The following DNAH8 variants were observed in gnomAD, a reference collection of about 807,000 sequenced individuals.
The protein encoded by DNAH8 is axonemal beta dynein heavy chain 8.
Under a neutral mutation model 562.1 loss-of-function variants are expected in DNAH8, and 382 were observed. The observed-to-expected ratio is 0.68, with a 90% CI of 0.63 to 0.74. The LOEUF is 0.74. Among genes scored for constraint, DNAH8 ranks in the 30% least tolerant of loss-of-function variants. DNAH8 has a pLI of 0.00. For missense variants in DNAH8, 5,203 were observed against 5,620.4 expected, an observed-to-expected ratio of 0.93 and a Z score of 2.37; for synonymous variants, 1,881 against 1,919.4, an observed-to-expected ratio of 0.98 and a Z score of 0.52.
intron 88 of DNAH8, among the ~76,000 whole-genome samples, chr6:39,003,790 T>C (rs1388873141): frequency 6.6e-6 from 1 of 152,198 alleles, no homozygotes; most frequent in Non-Finnish European, 1.5e-5. Context: ...TTCATCTTTG[T>C]ACACTTGTCT....
chr6:38,801,081 G>A (rs956764003), intron 21 of DNAH8, among the ~76,000 whole-genome samples: 1 of 151,056 alleles, frequency 6.6e-6, no homozygotes, highest in Non-Finnish European at 1.5e-5. Flanking sequence ...TTTTTCTTTT[G>A]TTGTTCTGCT....
chr6:39,027,190 A>T (rs1172473586), intron 92 of DNAH8, among the ~76,000 whole-genome samples: 1 of 152,106 alleles, frequency 6.6e-6, no homozygotes, highest in Non-Finnish European at 1.5e-5. Context: ...AGCAGTGATC[A>T]CACCACCAGA....
rs961868083 is a variant in DNAH8, at chr6:39,017,019, G to A, written c.13714+4382G>A. Among the ~76,000 whole-genome samples, 8 of 152,318 alleles carry A rather than the reference G, an allele frequency of 5.3e-5. 1 individual carries two copies. The highest frequency in any genetic ancestry group is 4.1e-4 in the South Asian group (2 of 4,826). ...CAATCATTTCTGTAGCAATTGATGA[G>A]CTCAACCATGTGGCAATTAGACTGG... is the stretch of plus-strand genomic sequence containing the variant. On this transcript the variant is annotated intron_variant, in intron 91 of 92. Transcript: ENST00000327475.
At chr6:38,992,740 A>G (rs528300074) in intron 88 of DNAH8, among the ~76,000 whole-genome samples, 7 of 152,304 alleles carry the variant, frequency 4.6e-5, no homozygotes, top group African/African-American at 1.7e-4. Context: ...CCAGCTCTCA[A>G]GAAAGATGAA....
At chr6:38,903,079 T>C (rs1272332088) in intron 62 of DNAH8, among the ~76,000 whole-genome samples, 2 of 152,236 alleles carry the variant, frequency 1.3e-5, no homozygotes, top group African/African-American at 4.8e-5. Flanking sequence ...CAGTAACATG[T>C]TGTTCAGGTT....
At chr6:39,007,599 A>AG (rs904851397) in intron 88 of DNAH8, among the ~76,000 whole-genome samples, 1 of 152,190 alleles carries the variant, frequency 6.6e-6, no homozygotes, top group Non-Finnish European at 1.5e-5. Flanking sequence ...CATTGCCTTT[A>AG]GGGTGGTGTT....
chr6:38,893,311 A>G (rs1380578021), intron 58 of DNAH8, among the ~76,000 whole-genome samples: 1 of 152,218 alleles, frequency 6.6e-6, no homozygotes, highest in East Asian at 1.9e-4. Flanking sequence ...ATTACTTTAT[A>G]TAGCTTTAAG....
chr6:38,981,842 A>G (rs1300050346), intron 85 of DNAH8, among the ~76,000 whole-genome samples: 2 of 152,228 alleles, frequency 1.3e-5, no homozygotes, highest in Admixed American at 1.3e-4. Context: ...CCCCTTAGCT[A>G]TAGAGCCATG....
chr6:38,941,166 G>A (rs1244232153), intron 79 of DNAH8, among the ~76,000 whole-genome samples: 1 of 151,828 alleles, frequency 6.6e-6, no homozygotes, highest in Non-Finnish European at 1.5e-5. Flanking sequence ...GAGTCAGGCA[G>A]TTACAAAGAT....
intron 89 of DNAH8, among the ~76,000 whole-genome samples, chr6:39,009,659 A>G (rs1039868280): frequency 6.6e-6 from 1 of 152,194 alleles, no homozygotes; most frequent in Admixed American, 6.5e-5. Flanking sequence ...ACCAGCAGAA[A>G]TCAAGCTAAG....
chr6:38,838,043 G>GT lies in DNAH8; in HGVS notation c.4466+2dup. The GT allele has an allele frequency of 6.3e-7, 1 of 1,591,906 alleles. No individual in the cohort carries two copies. Among genetic ancestry groups the GT allele is most frequent in the Non-Finnish European group, 8.6e-7 (1 of 1,165,484 alleles). On this transcript the variant is annotated splice_donor_variant, in intron 33 of 92. Transcript: ENST00000327475. LOFTEE classifies it high-confidence loss of function. ...ATTATGAGGTTTTACACAAAACCAGGTAAGTTTAGAAAATAAGCAAGTATT... is the reference window on the plus strand; with the variant it reads ...ATTATGAGGTTTTACACAAAACCAGGTTAAGTTTAGAAAATAAGCAAGTATT...
chr6:38,783,851 A>G (rs1262893799), intron 17 of DNAH8, among the ~76,000 whole-genome samples: 1 of 152,162 alleles, frequency 6.6e-6, no homozygotes, highest in African/African-American at 2.4e-5. Context: ...TGGACCCCTT[A>G]CTGGGTCCCT....
intron 58 of DNAH8, among the ~76,000 whole-genome samples, chr6:38,892,236 A>C (rs1315348818): frequency 6.6e-6 from 1 of 151,960 alleles, no homozygotes; most frequent in African/African-American, 2.4e-5. Flanking sequence ...AAGGCTCTAA[A>C]CATCATCCCT....
In DNAH8 at chr6:38,780,149, C is replaced by A; in HGVS notation, c.2139+84C>A. On this transcript the variant is annotated intron_variant, in intron 15 of 92. Transcript: ENST00000327475. ...AAATATTTGCCATCATTGTCTCATG[C>A]CAAGCTTTTCAGAGTGATTCTTTCT... The A allele has an allele frequency of 2.3e-6, 3 of 1,293,360 alleles. No individual in the cohort carries two copies. In the South Asian group the frequency reaches 4.0e-5, roughly 17 times the overall value. The allele number at this position is 1,293,360 out of a possible 1,614,324, so 80.1% of individuals were successfully genotyped here. A position where few individuals can be genotyped will look rare whatever the true frequency, so the allele number is the denominator to read the frequency against.
intron 41 of DNAH8, among the ~76,000 whole-genome samples, chr6:38,855,936 C>T (rs1003023493): frequency 9.2e-5 from 14 of 152,118 alleles, no homozygotes; most frequent in East Asian, 1.9e-4. Context: ...CAAGGTTGTG[C>T]GCTGCTTATG....
At chr6:38,880,438 G>A (rs1451105669) in intron 53 of DNAH8, among the ~76,000 whole-genome samples, 1 of 152,058 alleles carries the variant, frequency 6.6e-6, no homozygotes, top group Non-Finnish European at 1.5e-5. Flanking sequence ...GCAAAATCTA[G>A]CCAGTGCGAT....
chr6:39,017,740 G>C (rs546851609), intron 91 of DNAH8, among the ~76,000 whole-genome samples: 1 of 152,256 alleles, frequency 6.6e-6, no homozygotes, highest in South Asian at 2.1e-4. Context: ...TTCAGTTAGA[G>C]GCAATCCTGC....
intron 36 of DNAH8, 73 bp from the exon 37 acceptor site, chr6:38,848,575 A>C (rs1775484712): frequency 1.6e-6 from 2 of 1,240,388 alleles, no homozygotes; most frequent in Admixed American, 4.4e-5. Flanking sequence ...TTCTTCTGGA[A>C]TTTACTTCGG....
intron 81 of DNAH8, 93 bp from the exon 82 acceptor site, chr6:38,951,225 C>G: frequency 9.1e-7 from 1 of 1,103,644 alleles, no homozygotes; most frequent in Non-Finnish European, 1.4e-6. Context: ...ACTTGTTGCC[C>G]TTTTGCTAAT....
Sources: allele counts gnomAD v4.1 joint callset (sites outside exome capture counted in the v4.1 genomes callset), GRCh38; gene constraint gnomAD v4.1.1; transcripts MANE v1.5; gene names NCBI Gene and HGNC (gene_info 2026-07-23, HGNC 2026-07-21).